The following RBFOX1 variants were observed in gnomAD, a reference collection of about 807,000 sequenced individuals.
RBFOX1 encodes the protein RNA binding protein fox-1 homolog 1.
In RBFOX1, 8 loss-of-function variants were observed where a neutral mutation model predicts 57.7. That is an observed-to-expected ratio of 0.14 (90% confidence interval 0.08 to 0.25). The LOEUF is 0.25. Ranked by LOEUF, RBFOX1 falls within the 10% of genes least tolerant of loss-of-function variation. The pLI is 1.00. For missense variants in RBFOX1, 611 were observed against 548.5 expected (o/e 1.11, Z -1.14); for synonymous variants, 326 against 222.4 (o/e 1.47, Z -4.15).
At chr16:5,378,924 C>T (rs780779964) in intron 1 of RBFOX1, among the ~76,000 whole-genome samples, 31 of 151,508 alleles carry the variant, frequency 2.0e-4, no homozygotes, top group Non-Finnish European at 3.4e-4. Flanking sequence ...TTGGGATGAC[C>T]TTTTCTCCAC....
At chr16:7,164,867 C>T (rs2079099884) in intron 4 of RBFOX1, among the ~76,000 whole-genome samples, 1 of 152,124 alleles carries the variant, frequency 6.6e-6, no homozygotes, top group South Asian at 2.1e-4. Context: ...GCAGGAGAGG[C>T]AATAAATTTT....
At chr16:7,434,883 A>T (rs67946467) in intron 4 of RBFOX1, among the ~76,000 whole-genome samples, 1 of 151,754 alleles carries the variant, frequency 6.6e-6, no homozygotes, top group Non-Finnish European at 1.5e-5. Flanking sequence ...GGGATTACAG[A>T]CATGCACCAC....
chr16:7,184,442 C>A (rs1221475497), intron 4 of RBFOX1, among the ~76,000 whole-genome samples: 2 of 152,172 alleles, frequency 1.3e-5, no homozygotes, highest in Non-Finnish European at 2.9e-5. Flanking sequence ...ACCTCATGAC[C>A]CAGGGTGTCT....
intron 4 of RBFOX1, among the ~76,000 whole-genome samples, chr16:7,261,290 T>G (rs1175992629): frequency 2.6e-5 from 4 of 152,198 alleles, no homozygotes; most frequent in African/African-American, 9.7e-5. Context: ...TAAAGTGGAA[T>G]TGATGAATGG....
chr16:6,404,263 G>A (rs1189816784), intron 2 of RBFOX1, among the ~76,000 whole-genome samples: 1 of 152,206 alleles, frequency 6.6e-6, no homozygotes, highest in Non-Finnish European at 1.5e-5. Flanking sequence ...ATGTAGAGAT[G>A]ATTTAAAGTA....
At chr16:7,571,577 C>T (rs867060229) in intron 5 of RBFOX1, among the ~76,000 whole-genome samples, 1 of 152,144 alleles carries the variant, frequency 6.6e-6, no homozygotes, top group Admixed American at 6.5e-5. Context: ...ACATTTATAA[C>T]CTGCGCCGAT....
At chr16:5,409,262 G>T (rs928344068) in intron 1 of RBFOX1, among the ~76,000 whole-genome samples, 2 of 152,232 alleles carry the variant, frequency 1.3e-5, no homozygotes, top group Admixed American at 1.3e-4. Flanking sequence ...GCGATGGACA[G>T]TGTTCACTGT....
chr16:6,577,489 T>A (rs912231698), intron 2 of RBFOX1: 11 of 152,234 alleles, frequency 7.2e-5, no homozygotes, highest in African/African-American at 2.7e-4. Flanking sequence ...CACCAAGTTG[T>A]GCTGTGGTGA....
intron 3 of RBFOX1, among the ~76,000 whole-genome samples, chr16:6,894,592 G>T (rs902110682): frequency 6.6e-6 from 1 of 152,062 alleles, no homozygotes; most frequent in Non-Finnish European, 1.5e-5. Flanking sequence ...GCCCCATTTG[G>T]GGTTCTCAGT....
intron 3 of RBFOX1, among the ~76,000 whole-genome samples, chr16:6,657,451 C>A (rs2098667226): frequency 6.6e-6 from 1 of 152,004 alleles, no homozygotes; most frequent in Non-Finnish European, 1.5e-5. Flanking sequence ...CCATCCCCCT[C>A]CCTCTCTGCT....
intron 1 of RBFOX1, among the ~76,000 whole-genome samples, chr16:5,313,803 C>A (rs763016071): frequency 6.6e-6 from 1 of 151,736 alleles, no homozygotes; most frequent in African/African-American, 2.4e-5. Flanking sequence ...TCCCACAACA[C>A]GTGGGAATGG....
At chr16:6,935,117 G>A (rs889134050) in intron 3 of RBFOX1, among the ~76,000 whole-genome samples, 2 of 152,010 alleles carry the variant, frequency 1.3e-5, no homozygotes, top group African/African-American at 4.8e-5. Context: ...AGAAAAAACA[G>A]CTTATTTAAC....
chr16:5,530,663 G>A (rs1409077146), intron 2 of RBFOX1, among the ~76,000 whole-genome samples: 1 of 152,264 alleles, frequency 6.6e-6, no homozygotes, highest in African/African-American at 2.4e-5. Context: ...TGAGAGACCA[G>A]CAGCAGCCAC....
intron 3 of RBFOX1, among the ~76,000 whole-genome samples, chr16:6,667,407 T>TA (rs1455096120): frequency 6.6e-6 from 1 of 152,142 alleles, no homozygotes; most frequent in Non-Finnish European, 1.5e-5. Context: ...CTTAGGATTC[T>TA]AAAAGGCCTG....
chr16:6,863,599 T>G (rs1348049556), intron 3 of RBFOX1, among the ~76,000 whole-genome samples: 1 of 151,100 alleles, frequency 6.6e-6, no homozygotes, highest in Non-Finnish European at 1.5e-5. Context: ...GGACGCCATT[T>G]TTATCTTCTT....
intron 3 of RBFOX1, among the ~76,000 whole-genome samples, chr16:6,701,263 C>T (rs2061807265): frequency 6.6e-6 from 1 of 152,164 alleles, no homozygotes. Flanking sequence ...AGGCTCTCTG[C>T]AGCTGACGCA....
intron 3 of RBFOX1, among the ~76,000 whole-genome samples, chr16:5,696,018 T>C (rs962379534): frequency 2.0e-5 from 3 of 152,338 alleles, no homozygotes; most frequent in South Asian, 4.1e-4. Context: ...GAGGAAAATG[T>C]CAAACACGGT....
rs184561806 is a variant in RBFOX1, at chr16:7,459,775, G to A, written c.28-58372G>A. 9.5e-4 allele frequency among the ~76,000 whole-genome samples: 145 copies of A among 152,252 alleles called. 1 individual carries two copies. The highest frequency in any genetic ancestry group is 1.7e-3 in the Non-Finnish European group (116 of 68,024). On this transcript the variant is annotated intron_variant, in intron 4 of 15. Coordinates refer to ENST00000550418, the MANE Select transcript of RBFOX1 (RefSeq NM_018723.4). ...TGATTTGGAAAATATAATAAATGTA[G>A]TTTTGGGATTTAACTTTTATTCTGG...
intron 3 of RBFOX1, among the ~76,000 whole-genome samples, chr16:5,824,542 G>A (rs2151812000): frequency 6.6e-6 from 1 of 152,352 alleles, no homozygotes; most frequent in East Asian, 1.9e-4. Flanking sequence ...GCTTTCTGGG[G>A]TGATTGACAC....
Sources: gnomAD v4.1 joint callset for allele counts (sites outside exome capture counted in the v4.1 genomes callset) on GRCh38, gnomAD v4.1.1 for gene constraint, MANE v1.5 for transcripts, NCBI Gene and HGNC (gene_info 2026-07-23, HGNC 2026-07-21) for gene names.